DCAF8L2: variants seen among roughly 807,000 people sequenced by gnomAD.
DCAF8L2 encodes the protein DDB1 and CUL4 associated factor 8 like 2.
For missense variants in DCAF8L2, 430 were observed against 490.7 expected (o/e 0.88, Z 1.17); for synonymous variants, 200 against 190.9 (o/e 1.05, Z -0.39).
the DCAF8L2 span, among the ~76,000 whole-genome samples, chrX:27,563,179 G>T: frequency 5.4e-5 from 6 of 110,898 alleles, no homozygotes; most frequent in African/African-American, 2.0e-4. Flanking sequence ...ACATAAAATT[G>T]TATAGCTTGA....
chrX:27,506,169 G>T, the DCAF8L2 span, among the ~76,000 whole-genome samples: 1 of 111,380 alleles, frequency 9.0e-6, no homozygotes. Context: ...TGAAGACAAA[G>T]AAAAATGTTA....
chrX:27,681,976 T>A (rs1050445794), intron 3 of DCAF8L2, among the ~76,000 whole-genome samples: 1 of 111,814 alleles, frequency 8.9e-6, no homozygotes, highest in Non-Finnish European at 1.9e-5. Context: ...TTTGTTGTTG[T>A]TTTTTGAGAC....
chrX:27,521,589 G>C, the DCAF8L2 span, among the ~76,000 whole-genome samples: 2 of 112,117 alleles, frequency 1.8e-5, no homozygotes, highest in East Asian at 5.6e-4. Flanking sequence ...GTTAAAGACT[G>C]ATGTTTTGTG....
intron 1 of DCAF8L2, among the ~76,000 whole-genome samples, chrX:27,602,301 C>G (rs1216015704): frequency 8.9e-6 from 1 of 111,755 alleles, no homozygotes; most frequent in Non-Finnish European, 1.9e-5. Flanking sequence ...TCTCAAAGTG[C>G]TGGGATTATA....
At chrX:27,620,348 G>GT (rs1227579300) in intron 1 of DCAF8L2, among the ~76,000 whole-genome samples, 3 of 111,488 alleles carry the variant, frequency 2.7e-5, no homozygotes, top group African/African-American at 9.8e-5. Context: ...AAAAGGACAG[G>GT]TAACAAAAGA....
At chrX:27,707,008 C>A (rs1931365488) in intron 3 of DCAF8L2, among the ~76,000 whole-genome samples, 1 of 111,883 alleles carries the variant, frequency 8.9e-6, no homozygotes, top group Non-Finnish European at 1.9e-5. Context: ...AAACATTATG[C>A]TAATGAAATA....
chrX:27,622,006 C>A (rs186981142), intron 1 of DCAF8L2, among the ~76,000 whole-genome samples: 6,681 of 100,077 alleles, frequency 0.067, 191 homozygotes, highest in Middle Eastern at 0.11. Flanking sequence ...ACAACAACAA[C>A]AAAAAAAAAA....
intron 2 of DCAF8L2, among the ~76,000 whole-genome samples, chrX:27,654,142 C>G (rs1929260545): frequency 9.0e-6 from 1 of 111,224 alleles, no homozygotes; most frequent in South Asian, 3.8e-4. Context: ...AGCTGCTCCT[C>G]TCTGGCATGA....
At chrX:27,590,991 T>TTTATATATATATATATATA (rs761150025) in intron 1 of DCAF8L2, among the ~76,000 whole-genome samples, 1 of 68,055 alleles carries the variant, frequency 1.5e-5, no homozygotes, top group Admixed American at 2.0e-4. Flanking sequence ...CCTTTACATT[T>TTTATATATATATATATATA]TATATATATA....
chrX:27,663,606 A>G (rs1929631707), intron 2 of DCAF8L2, among the ~76,000 whole-genome samples: 1 of 111,114 alleles, frequency 9.0e-6, no homozygotes, highest in Non-Finnish European at 1.9e-5. Flanking sequence ...CCCTATAGCT[A>G]TCCACTGATA....
chrX:27,620,107 A>G (rs1240355067), intron 1 of DCAF8L2, among the ~76,000 whole-genome samples: 1 of 111,908 alleles, frequency 8.9e-6, no homozygotes, highest in East Asian at 2.8e-4. Flanking sequence ...GCTAATTGAC[A>G]AAATTTCTCA....
rs1295180994 is a variant in DCAF8L2, at chrX:27,716,133, T to G, written c.-97T>G. ...GTCCATTAACTCTTTCAGGACGGTG[T>G]GGAATCAGTGGGGAAATCTCTAATT... On this transcript the variant is annotated 5_prime_UTR_variant, in exon 4 of 5. Transcript: ENST00000451261. 8.9e-6 allele frequency: 1 copy of G among 111,869 alleles called. No homozygotes were observed. The highest frequency in any genetic ancestry group is 1.9e-5 in the Non-Finnish European group (1 of 53,232). The allele number at this position is 111,869 out of a possible 1,213,427, so 9.2% of individuals were successfully genotyped here.
chrX:27,731,999 G>GTGT (rs926894369), intron 4 of DCAF8L2, among the ~76,000 whole-genome samples: 14 of 110,957 alleles, frequency 1.3e-4, no homozygotes, highest in Admixed American at 1.1e-3. Flanking sequence ...CCTGGGTCCT[G>GTGT]TGTTGTTGTT....
chrX:27,620,549 C>T (rs1190028548), intron 1 of DCAF8L2, among the ~76,000 whole-genome samples: 1 of 111,221 alleles, frequency 9.0e-6, no homozygotes, highest in Non-Finnish European at 1.9e-5. Context: ...TACAAATGGC[C>T]GGAAGCATAC....
chrX:27,644,812 T>G (rs1043345065), intron 2 of DCAF8L2, among the ~76,000 whole-genome samples: 1 of 111,914 alleles, frequency 8.9e-6, no homozygotes, highest in Non-Finnish European at 1.9e-5. Context: ...TGGAGTGCAG[T>G]GGCGCAATCT....
chrX:27,586,856 A>G (rs970957186), upstream of DCAF8L2, among the ~76,000 whole-genome samples: 3 of 111,134 alleles, frequency 2.7e-5, no homozygotes, highest in African/African-American at 9.8e-5. Flanking sequence ...CCTTAACATG[A>G]TGATGGCCTG....
At chrX:27,653,591 C>T (rs961349424) in intron 2 of DCAF8L2, among the ~76,000 whole-genome samples, 26 of 110,525 alleles carry the variant, frequency 2.4e-4, no homozygotes, top group Middle Eastern at 4.7e-3. Flanking sequence ...TTTTAAGGTC[C>T]TCTTTTAATA....
intron 4 of DCAF8L2, among the ~76,000 whole-genome samples, chrX:27,741,950 C>T (rs756681654): frequency 8.9e-6 from 1 of 111,902 alleles, no homozygotes; most frequent in Non-Finnish European, 1.9e-5. Context: ...TATTATTTAA[C>T]CTAGGCTAGC....
At chrX:27,660,685 T>C (rs1929527753) in intron 2 of DCAF8L2, among the ~76,000 whole-genome samples, 1 of 112,060 alleles carries the variant, frequency 8.9e-6, no homozygotes, top group Admixed American at 9.4e-5. Flanking sequence ...GGGCCAGTCC[T>C]TGGCCTTCTG....
Sources: allele counts gnomAD v4.1 joint callset (sites outside exome capture counted in the v4.1 genomes callset), GRCh38; gene constraint gnomAD v4.1.1; transcripts MANE v1.5; gene names NCBI Gene and HGNC (gene_info 2026-07-23, HGNC 2026-07-21).